STRBP: variants seen among roughly 807,000 people sequenced by gnomAD.
The protein encoded by STRBP is spermatid perinuclear RNA-binding protein.
A neutral mutation model predicts 80.1 loss-of-function variants in STRBP; 13 were observed. That is an observed-to-expected ratio of 0.16 (90% CI 0.11 to 0.26). STRBP has a LOEUF of 0.26. STRBP is among the 10% of genes least tolerant of loss of function. The pLI, the probability that STRBP is intolerant of heterozygous loss-of-function variation, is 1.00. For synonymous variants in STRBP, 284 were observed against 291.2 expected, an observed-to-expected ratio of 0.98 and a Z score of 0.25; for missense variants, 485 against 815.2, an observed-to-expected ratio of 0.59 and a Z score of 4.93.
At chr9:123,218,305 G>A (rs917693608) in intron 2 of STRBP, among the ~76,000 whole-genome samples, 8 of 150,298 alleles carry the variant, frequency 5.3e-5, no homozygotes, top group African/African-American at 1.5e-4. Flanking sequence ...ACAATGCAAT[G>A]AGGAAATAAC....
intron 1 of STRBP, among the ~76,000 whole-genome samples, chr9:123,243,904 G>A (rs1019009369): frequency 6.6e-6 from 1 of 152,112 alleles, no homozygotes; most frequent in Non-Finnish European, 1.5e-5. Flanking sequence ...AATACAATAG[G>A]AATTGTGCTC....
chr9:123,232,695 A>G (rs750950943), intron 2 of STRBP, among the ~76,000 whole-genome samples: 105 of 152,210 alleles, frequency 6.9e-4, no homozygotes, highest in Admixed American at 1.8e-3. Flanking sequence ...TACCATTTGT[A>G]CTAAAAAGAG....
In STRBP at chr9:123,132,959, C is replaced by T. The variant is rs79286922; in HGVS notation, c.1783G>A (p.Val595Ile). 0.015 allele frequency: 24,326 copies of T among 1,609,970 alleles called. 211 individuals are homozygous for T. The highest frequency in any genetic ancestry group is 0.02 in the Middle Eastern group (120 of 6,040). ...KKKIIPQAKGVVNTAVSAAVQ... is the reference protein window; with the variant it reads ...KKKIIPQAKGIVNTAVSAAVQ... ...GCTGCAGACACAGCTGTATTCACAACGCCCTTTGCCTGTTAAAATAACACA... is the reference window on the plus strand; with the variant it reads ...GCTGCAGACACAGCTGTATTCACAATGCCCTTTGCCTGTTAAAATAACACA... The change falls in exon 17 of 19, where the codon GTT becomes ATT. Residue 595 changes from valine (V) to isoleucine (I), a missense_variant. This residue lies in a region of STRBP where 85 missense variants were observed against 120.1 expected (regional missense o/e 0.71). Transcript: ENST00000348403.
Position 123,169,891 on chromosome 9 carries a change from TAC to T in STRBP, c.535+9_535+10del, listed in dbSNP as rs1554754377. 1 of 1,415,602 alleles carries T rather than the reference TAC, an allele frequency of 7.1e-7. No individual in the cohort carries two copies. Among genetic ancestry groups the T allele is most frequent in the Non-Finnish European group, 9.3e-7 (1 of 1,069,590 alleles). The allele number at this position is 1,415,602 out of a possible 1,614,324, so 87.7% of individuals were successfully genotyped here. A position where few individuals can be genotyped will look rare whatever the true frequency, so the allele number is the denominator to read the frequency against. On this transcript the variant is annotated intron_variant, in intron 6 of 18. Transcript: ENST00000348403. ...ATATATACATATATATATATATATA[TAC>T]ATGTGTACCTCCATCCTTCTTCTCC...
At chr9:123,178,586 A>G (rs992327241) in intron 4 of STRBP, among the ~76,000 whole-genome samples, 4 of 152,124 alleles carry the variant, frequency 2.6e-5, no homozygotes, top group Admixed American at 6.5e-5. Flanking sequence ...TACCTTTAAA[A>G]TACATTTTCC....
chr9:123,139,755 A>G, intron 13 of STRBP, 68 bp from the exon 14 acceptor site: 1 of 1,517,056 alleles, frequency 6.6e-7, no homozygotes, highest in Non-Finnish European at 9.0e-7. Flanking sequence ...CAAAATATTG[A>G]GAACAAAAGT....
At chr9:123,133,983 A>G (rs1373883622) in intron 16 of STRBP, among the ~76,000 whole-genome samples, 1 of 152,202 alleles carries the variant, frequency 6.6e-6, no homozygotes, top group African/African-American at 2.4e-5. Flanking sequence ...GTAACCGAGA[A>G]TTATAAAATG....
chr9:123,146,398 T>C (rs769153518), intron 13 of STRBP, among the ~76,000 whole-genome samples: 5 of 151,728 alleles, frequency 3.3e-5, no homozygotes, highest in Admixed American at 6.6e-5. Context: ...TTTAAACAAA[T>C]AGTTTCCCGT....
In STRBP at chr9:123,115,626, T is replaced by A; in HGVS notation, c.*84+303A>T. 2 of 339,542 alleles carry A rather than the reference T, an allele frequency of 5.9e-6. No individual in the cohort carries two copies. Among genetic ancestry groups the A allele is most frequent in the South Asian group, 2.4e-5 (1 of 42,470 alleles). The allele number at this position is 339,542 out of a possible 1,614,324, so 21.0% of individuals were successfully genotyped here. A position where few individuals can be genotyped will look rare whatever the true frequency, so the allele number is the denominator to read the frequency against. On this transcript the variant is annotated intron_variant and NMD_transcript_variant, in intron 3 of 3. Transcript: ENST00000471564. The surrounding 1 kb of genome is among the most constrained non-coding windows in gnomAD (Gnocchi z 5.0). ...AGAAGCAGTAGGTGACAGTGAATGG[T>A]TTTTCTCAATAAATCTACGTGCCCA...
intron 2 of STRBP, among the ~76,000 whole-genome samples, chr9:123,191,859 G>T (rs1265470453): frequency 6.6e-6 from 1 of 152,270 alleles, no homozygotes; most frequent in East Asian, 1.9e-4. Flanking sequence ...AAGGTTTTCA[G>T]CACAGAATGA....
chr9:123,132,743 A>G, intron 17 of STRBP, 102 bp downstream of exon 17: 2 of 1,470,162 alleles, frequency 1.4e-6, no homozygotes. Context: ...TGCCTGTGTT[A>G]TATTTCCACA....
chr9:123,182,805 C>A (rs1202907033), intron 3 of STRBP, among the ~76,000 whole-genome samples: 1 of 151,942 alleles, frequency 6.6e-6, no homozygotes, highest in Admixed American at 6.6e-5. Context: ...TGAGCCAAGG[C>A]GTTCCAGACC....
At chr9:123,214,123 G>GGT (rs1554766352) in intron 2 of STRBP, among the ~76,000 whole-genome samples, 2 of 143,720 alleles carry the variant, frequency 1.4e-5, no homozygotes, top group African/African-American at 2.8e-5. Context: ...GATAAAGTGT[G>GGT]GTGTATATAT....
intron 2 of STRBP, among the ~76,000 whole-genome samples, chr9:123,228,079 G>T (rs7021257): frequency 0.2 from 31,005 of 152,082 alleles, 6,596 homozygotes; most frequent in African/African-American, 0.55. Flanking sequence ...CAGATTGGAT[G>T]TGGGATGTGA....
chr9:123,208,913 G>A (rs924550226), intron 2 of STRBP, among the ~76,000 whole-genome samples: 1 of 152,186 alleles, frequency 6.6e-6, no homozygotes, highest in Non-Finnish European at 1.5e-5. Flanking sequence ...TCCCTTCCCC[G>A]AACACTTTAG....
At chr9:123,227,773 C>T (rs1201694422) in intron 2 of STRBP, among the ~76,000 whole-genome samples, 1 of 151,858 alleles carries the variant, frequency 6.6e-6, no homozygotes, top group East Asian at 1.9e-4. Context: ...CCATGTTGGC[C>T]AGGCTGGTCT....
chr9:123,153,953 A>G (rs1431069951), intron 11 of STRBP, among the ~76,000 whole-genome samples: 3 of 152,218 alleles, frequency 2.0e-5, no homozygotes, highest in Admixed American at 1.3e-4. Flanking sequence ...ATGGCAACAG[A>G]GCTAGAAGAA....
At chr9:123,180,008 C>T (rs1253907457) in intron 3 of STRBP, among the ~76,000 whole-genome samples, 1 of 152,108 alleles carries the variant, frequency 6.6e-6, no homozygotes, top group Non-Finnish European at 1.5e-5. Context: ...ATTCCCAGCA[C>T]TTTGGGAGGC....
intron 6 of STRBP, among the ~76,000 whole-genome samples, chr9:123,165,243 T>G (rs1457803809): frequency 2.9e-5 from 4 of 139,726 alleles, no homozygotes; most frequent in Admixed American, 7.7e-5. Context: ...ATCGCACCAC[T>G]GCACTCCAGC....
Sources: allele counts gnomAD v4.1 joint callset (sites outside exome capture counted in the v4.1 genomes callset), GRCh38; gene constraint gnomAD v4.1.1; regional missense constraint gnomAD v4.1.1; non-coding constraint Gnocchi (gnomAD v3.1); transcripts MANE v1.5; gene names NCBI Gene and HGNC (gene_info 2026-07-23, HGNC 2026-07-21).